Variants in NRXN1 observed in about 807,000 individuals in gnomAD.
The protein encoded by NRXN1 is neurexin 1, also known as neurexin-1.
A neutral mutation model predicts 150.9 loss-of-function variants in NRXN1; 39 were observed. That is an observed-to-expected ratio of 0.26 (90% confidence interval 0.20 to 0.34). The LOEUF (loss-of-function observed/expected upper bound fraction) is 0.34. NRXN1 is among the 10% of genes least tolerant of loss of function. NRXN1 has a pLI of 1.00. For missense variants in NRXN1, 1,815 were observed against 1,949.9 expected (o/e 0.93, Z 1.30); for synonymous variants, 924 against 757.0 (o/e 1.22, Z -3.62).
intron 2 of NRXN1, among the ~76,000 whole-genome samples, chr2:50,967,892 T>C (rs1028666771): frequency 6.6e-6 from 1 of 151,930 alleles, no homozygotes; most frequent in African/African-American, 2.4e-5. Flanking sequence ...TGAATGAAAA[T>C]ATGTAAAAAT....
At chr2:50,285,720 A>G (rs951686745) in intron 17 of NRXN1, among the ~76,000 whole-genome samples, 3 of 152,190 alleles carry the variant, frequency 2.0e-5, no homozygotes, top group Admixed American at 6.5e-5. Flanking sequence ...AGCAGGTAGT[A>G]ATTTAAATGT....
intron 21 of NRXN1, among the ~76,000 whole-genome samples, chr2:49,971,887 T>C (rs1678019696): frequency 1.3e-5 from 2 of 152,172 alleles, no homozygotes; most frequent in Admixed American, 6.6e-5. Context: ...CATAATTTCT[T>C]GTCAAGCCAA....
At chr2:50,264,776 T>C (rs1558406022) in intron 17 of NRXN1, among the ~76,000 whole-genome samples, 2 of 152,052 alleles carry the variant, frequency 1.3e-5, no homozygotes, top group African/African-American at 4.8e-5. Context: ...AACATTTCAG[T>C]AAAGAGTTAT....
chr2:50,881,235 T>A (rs1679380720), intron 5 of NRXN1, among the ~76,000 whole-genome samples: 1 of 151,944 alleles, frequency 6.6e-6, no homozygotes, highest in African/African-American at 2.4e-5. Flanking sequence ...ATATTTCCTG[T>A]AAGCTTCATC....
chr2:50,410,215 T>C (rs2083048854), intron 17 of NRXN1, among the ~76,000 whole-genome samples: 2 of 152,216 alleles, frequency 1.3e-5, no homozygotes, highest in South Asian at 2.1e-4. Flanking sequence ...AGAGTACCTC[T>C]AAATTTGTCT....
intron 17 of NRXN1, among the ~76,000 whole-genome samples, chr2:50,373,574 C>T (rs1320685605): frequency 7.2e-6 from 1 of 139,068 alleles, no homozygotes; most frequent in Admixed American, 7.7e-5. Flanking sequence ...ATAGAGAGCC[C>T]TGAATTTGGA....
chr2:49,973,347 T>C (rs1224620417), intron 21 of NRXN1, among the ~76,000 whole-genome samples: 2 of 152,210 alleles, frequency 1.3e-5, no homozygotes, highest in African/African-American at 2.4e-5. Flanking sequence ...TATCTTATCA[T>C]GAAATATTTA....
At chr2:50,239,712 A>ATATT in intron 17 of NRXN1, among the ~76,000 whole-genome samples, 2 of 101,846 alleles carry the variant, frequency 2.0e-5, no homozygotes, top group Admixed American at 1.0e-4. Context: ...ATATATATAT[A>ATATT]TATTTATGAC....
intron 16 of NRXN1, among the ~76,000 whole-genome samples, chr2:50,469,040 A>G (rs2089206009): frequency 6.6e-6 from 1 of 151,550 alleles, no homozygotes; most frequent in African/African-American, 2.4e-5. Flanking sequence ...TCCAGTGCCC[A>G]TTTTCTGCTA....
chr2:50,703,657 T>C (rs1443773200), intron 5 of NRXN1, among the ~76,000 whole-genome samples: 4 of 152,174 alleles, frequency 2.6e-5, no homozygotes, highest in African/African-American at 9.7e-5. Flanking sequence ...CTACTTACAG[T>C]AATTTAATAG....
chr2:50,979,261 C>G (rs369455359), intron 2 of NRXN1: 1 of 517,860 alleles, frequency 1.9e-6, no homozygotes, highest in African/African-American at 1.9e-5. Context: ...TAAACAGATG[C>G]AATATTTACA....
intron 21 of NRXN1, among the ~76,000 whole-genome samples, chr2:49,978,334 C>G (rs1053637941): frequency 6.6e-6 from 1 of 152,162 alleles, no homozygotes; most frequent in Admixed American, 6.5e-5. Flanking sequence ...CCACCCTACA[C>G]CACAGCTTGC....
At chr2:50,233,522 T>A (rs2065153999) in intron 18 of NRXN1, among the ~76,000 whole-genome samples, 1 of 152,082 alleles carries the variant, frequency 6.6e-6, no homozygotes, top group South Asian at 2.1e-4. Context: ...TAGCAGTATA[T>A]ATTTCAGCAA....
chr2:50,218,949 A>G (rs918668086), intron 18 of NRXN1, among the ~76,000 whole-genome samples: 3 of 151,812 alleles, frequency 2.0e-5, no homozygotes, highest in African/African-American at 7.3e-5. Flanking sequence ...AGATATTCCA[A>G]TAGCCTTTAT....
chr2:49,947,799 G>C (rs933835874), intron 21 of NRXN1, among the ~76,000 whole-genome samples: 5 of 151,642 alleles, frequency 3.3e-5, no homozygotes, highest in Non-Finnish European at 7.4e-5. Context: ...CTAAAAATAT[G>C]GACAGCATAA....
chr2:50,336,737 C>T (rs73930343), intron 17 of NRXN1, among the ~76,000 whole-genome samples: 4,477 of 152,148 alleles, frequency 0.029, 119 homozygotes, highest in African/African-American at 0.075. Context: ...ATCAATCACT[C>T]CTTTACTCTT....
chr2:50,122,428 C>G (rs1181349509), intron 18 of NRXN1, among the ~76,000 whole-genome samples: 1 of 152,240 alleles, frequency 6.6e-6, no homozygotes, highest in Non-Finnish European at 1.5e-5. Context: ...CTCAAGCTGA[C>G]TGGCCAGAAG....
chr2:50,694,464 G>C (rs55847328), intron 5 of NRXN1, among the ~76,000 whole-genome samples: 2 of 152,084 alleles, frequency 1.3e-5, no homozygotes. Context: ...AAACTCCTTG[G>C]AATCTGTCCC....
At chr2:50,499,157 A>G (rs1391426122) in intron 13 of NRXN1, among the ~76,000 whole-genome samples, 1 of 152,134 alleles carries the variant, frequency 6.6e-6, no homozygotes, top group Non-Finnish European at 1.5e-5. Context: ...TGCAACAAAA[A>G]CTGTTTATAT....
Sources: allele counts gnomAD v4.1 joint callset (sites outside exome capture counted in the v4.1 genomes callset), GRCh38; gene constraint gnomAD v4.1.1; transcripts MANE v1.5; gene names NCBI Gene and HGNC (gene_info 2026-07-23, HGNC 2026-07-21).